Variants in TMEM132D observed in about 807,000 individuals in gnomAD.
TMEM132D encodes the protein transmembrane protein 132D, also known as mature OL transmembrane protein.
Under a neutral mutation model 62.3 loss-of-function variants are expected in TMEM132D, and 21 were observed. The ratio of observed to expected loss-of-function variants is 0.34; its 90% CI spans 0.24 to 0.49. The LOEUF (loss-of-function observed/expected upper bound fraction) is 0.49. Ranked by LOEUF, TMEM132D falls within the 20% of genes least tolerant of loss-of-function variation. The pLI is 0.99. For synonymous variants in TMEM132D, 621 were observed against 575.6 expected (o/e 1.08, Z -1.13); for missense variants, 1,346 against 1,402.8 (o/e 0.96, Z 0.65).
At chr12:129,234,388 G>C (rs928617878) in intron 4 of TMEM132D, among the ~76,000 whole-genome samples, 1 of 152,124 alleles carries the variant, frequency 6.6e-6, no homozygotes, top group African/African-American at 2.4e-5. Flanking sequence ...TCTCATTGTA[G>C]GCTCCGTAGC....
intron 2 of TMEM132D, among the ~76,000 whole-genome samples, chr12:129,637,831 G>A (rs1339639194): frequency 6.6e-6 from 1 of 151,984 alleles, no homozygotes; most frequent in Non-Finnish European, 1.5e-5. Context: ...GGGGGCGGAG[G>A]TGCCACATAC....
chr12:129,535,777 C>CGTGTGT (rs779067793), intron 2 of TMEM132D, among the ~76,000 whole-genome samples: 1,343 of 74,666 alleles, frequency 0.018, 8 homozygotes, highest in East Asian at 0.043. Flanking sequence ...GATTTGTGTG[C>CGTGTGT]GTGTGTGTGT....
chr12:129,311,856 G>T (rs1322102316), intron 4 of TMEM132D, among the ~76,000 whole-genome samples: 1 of 152,150 alleles, frequency 6.6e-6, no homozygotes, highest in African/African-American at 2.4e-5. Flanking sequence ...AGCGTCTAGG[G>T]CTCACCAGCA....
intron 3 of TMEM132D, among the ~76,000 whole-genome samples, chr12:129,497,001 C>T (rs1011423584): frequency 4.6e-5 from 7 of 152,136 alleles, no homozygotes; most frequent in South Asian, 2.1e-4. Context: ...TTCCTTCTTG[C>T]GTCTCTGCAT....
At chr12:129,411,103 A>G (rs1871956431) in intron 3 of TMEM132D, among the ~76,000 whole-genome samples, 1 of 151,800 alleles carries the variant, frequency 6.6e-6, no homozygotes, top group African/African-American at 2.4e-5. Context: ...TATTTTATTA[A>G]TTTTTCTGTC....
chr12:129,464,708 G>A (rs1370904950), intron 3 of TMEM132D, among the ~76,000 whole-genome samples: 1 of 152,068 alleles, frequency 6.6e-6, no homozygotes, highest in Non-Finnish European at 1.5e-5. Flanking sequence ...AGTTTTCCCA[G>A]CACCATTTAT....
At chr12:129,643,137 C>T (rs767958132) in intron 2 of TMEM132D, among the ~76,000 whole-genome samples, 7 of 152,034 alleles carry the variant, frequency 4.6e-5, no homozygotes, top group Non-Finnish European at 7.4e-5. Context: ...GTTGACCAGG[C>T]TGGTCTTGAA....
At chr12:129,481,747 G>A (rs1874435800) in intron 3 of TMEM132D, among the ~76,000 whole-genome samples, 1 of 152,166 alleles carries the variant, frequency 6.6e-6, no homozygotes, top group South Asian at 2.1e-4. Context: ...TTGGGAGAGT[G>A]ATCTAGCAGT....
At chr12:129,891,581 T>G (rs1874926808) in intron 1 of TMEM132D, among the ~76,000 whole-genome samples, 1 of 152,180 alleles carries the variant, frequency 6.6e-6, no homozygotes, top group Non-Finnish European at 1.5e-5. Context: ...GGAAAGAACT[T>G]GGCAGCGAAA....
At chr12:129,390,636 A>G (rs1207690491) in intron 3 of TMEM132D, among the ~76,000 whole-genome samples, 1 of 152,196 alleles carries the variant, frequency 6.6e-6, no homozygotes, top group African/African-American at 2.4e-5. Context: ...CCTGGTCACC[A>G]CAAGCCTGCG....
At chr12:129,477,893 G>A (rs565844104) in intron 3 of TMEM132D, among the ~76,000 whole-genome samples, 1 of 152,062 alleles carries the variant, frequency 6.6e-6, no homozygotes, top group Admixed American at 6.6e-5. Context: ...CAGAGAGAGA[G>A]AGTCATGTGT....
intron 1 of TMEM132D, among the ~76,000 whole-genome samples, chr12:129,872,595 T>C (rs1874284080): frequency 6.6e-6 from 1 of 152,196 alleles, no homozygotes; most frequent in Non-Finnish European, 1.5e-5. Context: ...AAGGATGCTG[T>C]TTAGAAGAGT....
intron 5 of TMEM132D, among the ~76,000 whole-genome samples, chr12:129,200,730 C>G (rs924521708): frequency 6.6e-6 from 1 of 152,232 alleles, no homozygotes; most frequent in Non-Finnish European, 1.5e-5. Flanking sequence ...CTCCACCACT[C>G]TCCTCTCCTC....
chr12:129,677,218 G>A (rs1880652448), intron 2 of TMEM132D, among the ~76,000 whole-genome samples: 1 of 152,136 alleles, frequency 6.6e-6, no homozygotes, highest in Non-Finnish European at 1.5e-5. Flanking sequence ...AATTATTGGG[G>A]CAGGTCTTTC....
intron 2 of TMEM132D, among the ~76,000 whole-genome samples, chr12:129,624,133 A>C (rs563905437): frequency 6.6e-6 from 1 of 152,206 alleles, no homozygotes; most frequent in Admixed American, 6.5e-5. Flanking sequence ...CAGAGACTAC[A>C]TAAGTCTCTC....
chr12:129,786,864 C>G (rs1318304263), intron 1 of TMEM132D, among the ~76,000 whole-genome samples: 1 of 152,168 alleles, frequency 6.6e-6, no homozygotes, highest in Non-Finnish European at 1.5e-5. Flanking sequence ...GTGCTCCAGC[C>G]TGATCAACAG....
At chr12:129,817,115 G>A (rs187237565) in intron 1 of TMEM132D, among the ~76,000 whole-genome samples, 8 of 152,308 alleles carry the variant, frequency 5.3e-5, no homozygotes, top group Admixed American at 2.0e-4. Flanking sequence ...GCATGAAATC[G>A]GAGCAATGAT....
intron 5 of TMEM132D, among the ~76,000 whole-genome samples, chr12:129,159,203 G>A (rs1194581078): frequency 6.6e-6 from 1 of 152,114 alleles, no homozygotes; most frequent in African/African-American, 2.4e-5. Flanking sequence ...TGTTACCCTG[G>A]GAAGTGGAGT....
At chr12:129,340,800 T>G (rs1229882400) in intron 3 of TMEM132D, among the ~76,000 whole-genome samples, 1 of 152,218 alleles carries the variant, frequency 6.6e-6, no homozygotes, top group Non-Finnish European at 1.5e-5. Flanking sequence ...GTATGTTTAT[T>G]GCGGCACTAT....
Sources: gnomAD v4.1 joint callset for allele counts (sites outside exome capture counted in the v4.1 genomes callset) on GRCh38, gnomAD v4.1.1 for gene constraint, MANE v1.5 for transcripts, NCBI Gene and HGNC (gene_info 2026-07-23, HGNC 2026-07-21) for gene names.